Variants in ARHGAP39 observed in about 807,000 individuals in gnomAD.
ARHGAP39 encodes Rho GTPase activating protein 39, also known as rho GTPase-activating protein 39.
ARHGAP39 carries 44 observed loss-of-function variants against 106.9 expected under a neutral mutation model. That is an observed-to-expected ratio of 0.41 (90% confidence interval 0.32 to 0.53). ARHGAP39 has a LOEUF of 0.53. Among genes scored for constraint, ARHGAP39 ranks in the 20% least tolerant of loss-of-function variants. ARHGAP39 has a pLI of 0.21. For missense variants in ARHGAP39, 1,496 were observed against 1,577.3 expected, an observed-to-expected ratio of 0.95 and a Z score of 0.87; for synonymous variants, 768 against 693.2, an observed-to-expected ratio of 1.11 and a Z score of -1.69.
chr8:144,542,693 C>T (rs1817247015), intron 6 of ARHGAP39, among the ~76,000 whole-genome samples: 1 of 148,802 alleles, frequency 6.7e-6, no homozygotes, highest in African/African-American at 2.5e-5. Context: ...AATCCCAGCA[C>T]TTTGGGAAAC....
intron 6 of ARHGAP39, among the ~76,000 whole-genome samples, chr8:144,541,779 T>C (rs1373091989): frequency 6.6e-6 from 1 of 152,248 alleles, no homozygotes; most frequent in Non-Finnish European, 1.5e-5. Context: ...ATCCTTGTCA[T>C]GTTCCCACCT....
chr8:144,552,133 C>G (rs1186192578), intron 4 of ARHGAP39, among the ~76,000 whole-genome samples: 1 of 152,228 alleles, frequency 6.6e-6, no homozygotes. Flanking sequence ...GTTGGAAAGC[C>G]TTAAGAGCGG....
At chr8:144,678,924 G>A (rs1822313148) in intron 1 of ARHGAP39, among the ~76,000 whole-genome samples, 1 of 152,130 alleles carries the variant, frequency 6.6e-6, no homozygotes, top group Admixed American at 6.5e-5. Context: ...GTGCAGGAGG[G>A]ACATGGTGCA....
intron 1 of ARHGAP39, among the ~76,000 whole-genome samples, chr8:144,627,251 C>T (rs1385767811): frequency 6.6e-6 from 1 of 152,130 alleles, no homozygotes; most frequent in African/African-American, 2.4e-5. Flanking sequence ...TTCCAGGCCA[C>T]AATGCAAGAA....
intron 1 of ARHGAP39, among the ~76,000 whole-genome samples, chr8:144,659,246 A>G (rs1821766852): frequency 1.3e-5 from 2 of 152,208 alleles, no homozygotes; most frequent in Non-Finnish European, 2.9e-5. Context: ...CAACATGCTG[A>G]CCAGAGCCAT....
intron 9 of ARHGAP39, 43 bp from the exon 10 acceptor site, chr8:144,532,439 T>C (rs1285168160): frequency 5.8e-6 from 9 of 1,551,068 alleles, no homozygotes; most frequent in Non-Finnish European, 8.0e-6. Context: ...GAGCCTGTGC[T>C]GCGGCTTCAT....
the ARHGAP39 span, among the ~76,000 whole-genome samples, chr8:144,690,989 G>T: frequency 6.6e-6 from 1 of 152,032 alleles, no homozygotes; most frequent in Non-Finnish European, 1.5e-5. Flanking sequence ...TGAGTTTCTG[G>T]GCTGGGCGCT....
chr8:144,634,952 T>C (rs1156369737), intron 1 of ARHGAP39, among the ~76,000 whole-genome samples: 1 of 152,272 alleles, frequency 6.6e-6, no homozygotes, highest in African/African-American at 2.4e-5. Context: ...CATTCTGGCC[T>C]TGGGTAACTT....
intron 1 of ARHGAP39, among the ~76,000 whole-genome samples, chr8:144,628,306 TA>T (rs1820976919): frequency 6.6e-6 from 1 of 151,716 alleles, no homozygotes; most frequent in Admixed American, 6.6e-5. Context: ...ATTTGCCAGG[TA>T]AAAGCAACCC....
intron 1 of ARHGAP39, among the ~76,000 whole-genome samples, chr8:144,650,457 T>C (rs1013051824): frequency 1.3e-5 from 2 of 151,926 alleles, no homozygotes; most frequent in Non-Finnish European, 2.9e-5. Flanking sequence ...ACAAAAAATA[T>C]ATATATTCAG....
chr8:144,618,683 A>G (rs1052561008), intron 1 of ARHGAP39, among the ~76,000 whole-genome samples: 2 of 152,100 alleles, frequency 1.3e-5, no homozygotes, highest in Non-Finnish European at 2.9e-5. Context: ...GCTGGGAGGG[A>G]GGTCCCTGAA....
chr8:144,530,464 G>A lies in ARHGAP39; in HGVS notation c.3303C>T (p.Leu1101=), dbSNP rs373647453. The stretch of plus-strand genomic sequence containing the variant: ...TGAAGCTGGTGTCCAGGTGCTGGAT[G>A]AGCACCCGCAGGAAGGACATCTCCT... ...TRKEMSFLRV[L]IQHLDTSFME... Residue 1101 remains leucine (L), a synonymous_variant, in exon 12 of 12, where the codon CTC becomes CTT. Coordinates refer to ENST00000377307, the MANE Select transcript of ARHGAP39 (RefSeq NM_025251.3). 1.7e-5 allele frequency: 28 copies of A among 1,610,860 alleles called. No individual in the cohort carries two copies. The highest frequency in any genetic ancestry group is 5.5e-5 in the South Asian group (5 of 90,764).
chr8:144,670,613 C>G lies in ARHGAP39; in HGVS notation c.-82+15073G>C, dbSNP rs1380666322. The stretch of plus-strand genomic sequence containing the variant: ...CCCGCCCTGCTCCAGGCTCCCTGGG[C>G]TCCTGCCATCCGGTCCTGCTAACCC... On this transcript the variant is annotated intron_variant, in intron 1 of 11. Coordinates refer to ENST00000377307, the MANE Select transcript of ARHGAP39 (RefSeq NM_025251.3). This position sits in a 1 kb window ranked among gnomAD's most constrained non-coding sequence, Gnocchi z 4.4. Among the ~76,000 whole-genome samples the G allele has an allele frequency of 6.6e-6, 1 of 152,136 alleles. No homozygotes were observed. Among genetic ancestry groups the G allele is most frequent in the Non-Finnish European group, 1.5e-5 (1 of 68,024 alleles).
At chr8:144,648,751 CTT>C (rs1266578273) in intron 1 of ARHGAP39, among the ~76,000 whole-genome samples, 1 of 152,166 alleles carries the variant, frequency 6.6e-6, no homozygotes, top group Non-Finnish European at 1.5e-5. Flanking sequence ...AGCTGAATGA[CTT>C]TGGGGCAAAT....
At chr8:144,616,533 C>T (rs1295736278) in intron 1 of ARHGAP39, among the ~76,000 whole-genome samples, 1 of 152,218 alleles carries the variant, frequency 6.6e-6, no homozygotes, top group Non-Finnish European at 1.5e-5. Flanking sequence ...CTTTGACCCC[C>T]TCCAAGCTGA....
rs138418705 is a variant in ARHGAP39 at position 144,650,973 on chromosome 8, T to C, written c.-82+34713A>G. 2.9e-3 allele frequency among the ~76,000 whole-genome samples: 446 copies of C among 152,304 alleles called. 4 individuals carry two copies. The highest frequency in any genetic ancestry group is 9.8e-3 in the African/African-American group (409 of 41,568). On this transcript the variant is annotated intron_variant, in intron 1 of 11. Transcript: ENST00000377307. Reference sequence around the variant, plus strand: ...AGGTCAAACTATCCCTGTTTGCAGATGACATGATTGTATATCTAGAAAACC... The same window carrying C: ...AGGTCAAACTATCCCTGTTTGCAGACGACATGATTGTATATCTAGAAAACC...
At chr8:144,657,979 A>AT (rs1248949986) in intron 1 of ARHGAP39, among the ~76,000 whole-genome samples, 1 of 152,204 alleles carries the variant, frequency 6.6e-6, no homozygotes, top group Admixed American at 6.5e-5. Flanking sequence ...GATAATACAA[A>AT]TTTTTTAATA....
rs1821433668 is a variant in ARHGAP39 at position 144,645,949 on chromosome 8, G to C, written c.-82+39737C>G. On this transcript the variant is annotated intron_variant, in intron 1 of 11. Coordinates refer to ENST00000377307, the MANE Select transcript of ARHGAP39 (RefSeq NM_025251.3). The surrounding 1 kb of genome is among the most constrained non-coding windows in gnomAD (Gnocchi z 4.4). ...GCAACACCATCTTTAGGATGTCACTGTGTAACAACAGGGTAACACCCAGAT... is the reference window on the plus strand; with the variant it reads ...GCAACACCATCTTTAGGATGTCACTCTGTAACAACAGGGTAACACCCAGAT... Among the ~76,000 whole-genome samples the C allele has an allele frequency of 6.6e-6, 1 of 152,226 alleles. No homozygotes were observed.
rs555886084 is a variant in ARHGAP39, at chr8:144,570,440, A to G, written c.512+10406T>C. On this transcript the variant is annotated intron_variant, in intron 3 of 11. Transcript: ENST00000377307. ...TGGATGGAAAAAGGAGGCAAATTCT[A>G]ACCAAAGAGAAACAATGGCACCACA... Among the ~76,000 whole-genome samples the G allele has an allele frequency of 1.2e-4, 19 of 152,334 alleles. No homozygotes were observed. In the South Asian group the frequency reaches 3.9e-3, roughly 32 times the overall value.
Sources: allele counts gnomAD v4.1 joint callset (sites outside exome capture counted in the v4.1 genomes callset), GRCh38; gene constraint gnomAD v4.1.1; non-coding constraint Gnocchi (gnomAD v3.1); transcripts MANE v1.5; gene names NCBI Gene and HGNC (gene_info 2026-07-23, HGNC 2026-07-21).